BROX: variants seen among roughly 807,000 people sequenced by gnomAD.
BROX encodes the protein BRO1 domain-containing protein BROX.
In BROX, 53 loss-of-function variants were observed where a neutral mutation model predicts 61.0. The observed-to-expected ratio is 0.87, with a 90% CI of 0.70 to 1.09. The LOEUF is 1.09. Among genes scored for constraint, BROX ranks in the 50% least tolerant of loss-of-function variants. The pLI is 0.00. For synonymous variants in BROX, 152 were observed against 160.2 expected (o/e 0.95, Z 0.38); for missense variants, 489 against 472.0 (o/e 1.04, Z -0.33).
intron 5 of BROX, among the ~76,000 whole-genome samples, chr1:222,723,486 A>G (rs1657258222): frequency 6.6e-6 from 1 of 151,832 alleles, no homozygotes; most frequent in South Asian, 2.1e-4. Flanking sequence ...CATTTGTAGT[A>G]TCTTCTTTTT....
chr1:222,726,482 C>T (rs751578321), intron 7 of BROX, among the ~76,000 whole-genome samples: 1 of 152,024 alleles, frequency 6.6e-6, no homozygotes, highest in African/African-American at 2.4e-5. Flanking sequence ...TTTGGGTGGC[C>T]GAGGCAGGCA....
At chr1:222,713,646 A>G (rs1656263479) in intron 1 of BROX, 1 of 158,168 alleles carries the variant, frequency 6.3e-6, no homozygotes, top group Non-Finnish European at 1.4e-5. Flanking sequence ...GGGCAGGGGC[A>G]GAAACCCTCT....
intron 2 of BROX, among the ~76,000 whole-genome samples, chr1:222,717,169 C>A (rs148679141): frequency 1.3e-5 from 2 of 152,150 alleles, no homozygotes; most frequent in African/African-American, 4.8e-5. Context: ...TATTATTCTT[C>A]GTTCATTTTT....
Position 222,719,370 on chromosome 1 carries a change from C to G in BROX, c.305+11C>G. On this transcript the variant is annotated intron_variant, in intron 4 of 12. Transcript: ENST00000340934. ...AGGACAGGTTCCAAGGTAAGCAACACTAAAGTAATACTAAATTGGAGCCAG... is the reference window on the plus strand; with the variant it reads ...AGGACAGGTTCCAAGGTAAGCAACAGTAAAGTAATACTAAATTGGAGCCAG... 6.4e-7 allele frequency: 1 copy of G among 1,565,708 alleles called. No individual in the cohort carries two copies. The highest frequency in any genetic ancestry group is 8.8e-7 in the Non-Finnish European group (1 of 1,137,506).
At chr1:222,725,216 G>A (rs777079455) in intron 6 of BROX, among the ~76,000 whole-genome samples, 111 of 152,266 alleles carry the variant, frequency 7.3e-4, no homozygotes, top group Admixed American at 1.6e-3. Flanking sequence ...AGTCTATCAT[G>A]ACTTAAATTT....
At position 222,712,600 on chromosome 1, in the gene BROX, T is replaced by C; in HGVS notation, c.-359T>C. 7.4e-7 allele frequency: 1 copy of C among 1,344,954 alleles called. No individual in the cohort carries two copies. The highest frequency in any genetic ancestry group is 9.7e-7 in the Non-Finnish European group (1 of 1,033,282). The allele number at this position is 1,344,954 out of a possible 1,614,324, so 83.3% of individuals were successfully genotyped here. ...GGCCGCCATCGCTATTGCGGCATTC[T>C]CCCTCGGCTCCGGAGGTAGGGGCAA... On this transcript the variant is annotated 5_prime_UTR_variant, in exon 1 of 13. Coordinates refer to ENST00000340934, the MANE Select transcript of BROX (RefSeq NM_144695.4).
intron 12 of BROX, among the ~76,000 whole-genome samples, chr1:222,732,253 G>A (rs570827688): frequency 6.6e-6 from 1 of 152,086 alleles, no homozygotes; most frequent in Non-Finnish European, 1.5e-5. Context: ...TAGGGTACAT[G>A]TGCACAATGT....
chr1:222,729,429 G>A (rs1657769196), intron 9 of BROX, among the ~76,000 whole-genome samples, 191 bp from the exon 10 acceptor site: 1 of 152,082 alleles, frequency 6.6e-6, no homozygotes, highest in Admixed American at 6.5e-5. Context: ...TGGTTAGAAG[G>A]CTGTTTGGGC....
Position 222,716,072 on chromosome 1 carries a change from A to G in BROX, c.101+272A>G, listed in dbSNP as rs147993789. On this transcript the variant is annotated intron_variant, in intron 2 of 12. Transcript: ENST00000340934. ...TACAAGGGACTCTACAAAGTAGTGTATGGACATTTTTATTTTTTATTTTTA... is the reference window on the plus strand; with the variant it reads ...TACAAGGGACTCTACAAAGTAGTGTGTGGACATTTTTATTTTTTATTTTTA... Among the ~76,000 whole-genome samples, 227 of 152,132 alleles carry G rather than the reference A, an allele frequency of 1.5e-3. 6 individuals are homozygous for G. The South Asian group carries it at 0.021, about 14-fold the overall frequency.
At position 222,732,852 on chromosome 1, in the gene BROX, T is replaced by C. The variant is rs542338907; in HGVS notation, c.*138T>C. The C allele has an allele frequency of 4.5e-6, 3 of 659,716 alleles. No individual in the cohort carries two copies. In the African/African-American group the frequency reaches 5.6e-5, roughly 12 times the overall value. 40.9% of individuals were successfully genotyped at this position (659,716 alleles called of 1,614,324 possible). A position where few individuals can be genotyped will look rare whatever the true frequency, so the allele number is the denominator to read the frequency against. ...AGAGGGTTATCTGCCTTCAGCTTACTTGTTCTTAATTTTTAATACAGCGGA... is the reference window on the plus strand; with the variant it reads ...AGAGGGTTATCTGCCTTCAGCTTACCTGTTCTTAATTTTTAATACAGCGGA... On this transcript the variant is annotated 3_prime_UTR_variant, in exon 13 of 13. Coordinates refer to ENST00000340934, the MANE Select transcript of BROX (RefSeq NM_144695.4).
At chr1:222,721,514 C>T (rs912058033) in intron 4 of BROX, among the ~76,000 whole-genome samples, 7 of 151,414 alleles carry the variant, frequency 4.6e-5, no homozygotes, top group Admixed American at 1.3e-4. Flanking sequence ...CTTAGTATTA[C>T]GTGTGTAAAA....
intron 2 of BROX, among the ~76,000 whole-genome samples, 162 bp from the exon 3 acceptor site, chr1:222,718,763 C>T (rs1656828555): frequency 6.6e-6 from 1 of 152,072 alleles, no homozygotes; most frequent in Non-Finnish European, 1.5e-5. Context: ...AGGAGGTAGG[C>T]ATGTGCATGC....
At chr1:222,713,294 G>A (rs1487110697) in intron 1 of BROX, 22 of 985,896 alleles carry the variant, frequency 2.2e-5, no homozygotes, top group Non-Finnish European at 2.3e-5. Context: ...GGAAAGAGGG[G>A]AACTCAAGTG....
chr1:222,727,277 G>C lies in BROX; in HGVS notation c.670+20G>C, dbSNP rs374393564. 1 of 1,551,082 alleles carries C rather than the reference G, an allele frequency of 6.4e-7. No individual in the cohort carries two copies. The highest frequency in any genetic ancestry group is 1.1e-5 in the South Asian group (1 of 89,084). On this transcript the variant is annotated intron_variant, in intron 8 of 12. Coordinates refer to ENST00000340934, the MANE Select transcript of BROX (RefSeq NM_144695.4). ...AAGCTGGTAAGCTTCTAATTCTGTC[G>C]TTACATTTTTAGTCTTTAGATTTTC... is the stretch of plus-strand genomic sequence containing the variant.
rs1268047868 is a variant in BROX at position 222,728,990 on chromosome 1, T to C, written c.756+162T>C. Among the ~76,000 whole-genome samples the C allele has an allele frequency of 2.6e-5, 4 of 152,178 alleles. No individual in the cohort carries two copies. In the East Asian group the frequency reaches 7.7e-4, roughly 29 times the overall value. ...GAGAGTCAGTGCAACCATTGTGAAC[T>C]AAAGTGGGTGGAAAGAGATGATGTA... On this transcript the variant is annotated intron_variant, in intron 9 of 12. Transcript: ENST00000340934.
Position 222,712,641 on chromosome 1 carries a change from C to A in BROX, c.-318C>A. On this transcript the variant is annotated 5_prime_UTR_variant, in exon 1 of 13. It adds an upstream start codon to the 5' untranslated region. Transcript: ENST00000340934. ...GTAGGGGCAACTCTTCTCTTCCTGTCTGGGAAAAAGACCATAGCTCAAAAG... is the reference window on the plus strand; with the variant it reads ...GTAGGGGCAACTCTTCTCTTCCTGTATGGGAAAAAGACCATAGCTCAAAAG... The A allele has an allele frequency of 2.7e-5, 36 of 1,319,546 alleles. No individual in the cohort carries two copies. The highest frequency in any genetic ancestry group is 3.6e-5 in the Non-Finnish European group (36 of 1,007,852). 81.7% of individuals were successfully genotyped at this position (1,319,546 alleles called of 1,614,324 possible).
intron 2 of BROX, among the ~76,000 whole-genome samples, chr1:222,717,333 C>G (rs143590925): frequency 6.6e-6 from 1 of 152,262 alleles, no homozygotes; most frequent in East Asian, 1.9e-4. Flanking sequence ...TTATCTATAC[C>G]ATTGGGCAAG....
chr1:222,718,740 G>A (rs764501773), intron 2 of BROX, among the ~76,000 whole-genome samples, 185 bp from the exon 3 acceptor site: 1 of 152,034 alleles, frequency 6.6e-6, no homozygotes, highest in Non-Finnish European at 1.5e-5. Context: ...AAATTCATTT[G>A]TTAATCCCTT....
intron 8 of BROX, among the ~76,000 whole-genome samples, chr1:222,728,130 A>G (rs1657647853): frequency 6.6e-6 from 1 of 152,208 alleles, no homozygotes; most frequent in African/African-American, 2.4e-5. Flanking sequence ...AATTTAAGAA[A>G]GGTCCCTATA....
Sources: gnomAD v4.1 joint callset for allele counts (sites outside exome capture counted in the v4.1 genomes callset) on GRCh38, gnomAD v4.1.1 for gene constraint, MANE v1.5 for transcripts, NCBI Gene and HGNC (gene_info 2026-07-23, HGNC 2026-07-21) for gene names.